ROBO2: variants seen among roughly 807,000 people sequenced by gnomAD.
ROBO2 encodes the protein roundabout guidance receptor 2.
In ROBO2, 53 loss-of-function variants were observed where a neutral mutation model predicts 160.8. That is an observed-to-expected ratio of 0.33 (90% CI 0.26 to 0.41). ROBO2 has a LOEUF of 0.41. Among genes scored for constraint, ROBO2 ranks in the 10% least tolerant of loss-of-function variants. ROBO2 has a pLI of 1.00. For synonymous variants in ROBO2, 664 were observed against 611.7 expected (o/e 1.09, Z -1.26); for missense variants, 1,577 against 1,722.4 (o/e 0.92, Z 1.49).
chr3:76,875,622 A>G (rs1238782208), intron 2 of ROBO2, among the ~76,000 whole-genome samples: 1 of 151,958 alleles, frequency 6.6e-6, no homozygotes, highest in East Asian at 1.9e-4. Flanking sequence ...TCTGAACTCT[A>G]TCATACTTCC....
intron 2 of ROBO2, among the ~76,000 whole-genome samples, chr3:76,385,978 C>A (rs1357695848): frequency 6.6e-6 from 1 of 152,132 alleles, no homozygotes. Context: ...ACTGAATGAT[C>A]TGATACTAAT....
chr3:77,409,163 A>G (rs890549036), intron 2 of ROBO2, among the ~76,000 whole-genome samples: 1 of 150,488 alleles, frequency 6.6e-6, no homozygotes, highest in Non-Finnish European at 1.5e-5. Flanking sequence ...TGCAGAGTAA[A>G]CCAGTAAAGA....
chr3:76,733,500 T>C (rs1416461490), intron 2 of ROBO2, among the ~76,000 whole-genome samples: 4 of 152,250 alleles, frequency 2.6e-5, no homozygotes, highest in African/African-American at 4.8e-5. Flanking sequence ...CTACATCTTA[T>C]ATGGCACTAA....
At chr3:76,371,680 A>G (rs1209118031) in intron 2 of ROBO2, among the ~76,000 whole-genome samples, 4 of 151,936 alleles carry the variant, frequency 2.6e-5, no homozygotes, top group Non-Finnish European at 5.9e-5. Flanking sequence ...TAGATTTTGT[A>G]TAACATCAAC....
chr3:77,056,587 T>G (rs967124384), intron 1 of ROBO2, among the ~76,000 whole-genome samples: 4 of 152,108 alleles, frequency 2.6e-5, no homozygotes, highest in Non-Finnish European at 4.4e-5. Context: ...TATAGAGAAC[T>G]GAGCATTTAG....
chr3:76,024,157 AAT>A (rs1338764203), intron 2 of ROBO2, among the ~76,000 whole-genome samples: 1 of 151,486 alleles, frequency 6.6e-6, no homozygotes. Flanking sequence ...CTTAATCTGT[AAT>A]ATATATTTAG....
chr3:77,146,100 CA>C (rs1314796494), intron 2 of ROBO2, among the ~76,000 whole-genome samples: 10 of 152,296 alleles, frequency 6.6e-5, no homozygotes, highest in Admixed American at 3.3e-4. Flanking sequence ...CCAGAGAAAT[CA>C]AAAAGCCACC....
intron 2 of ROBO2, among the ~76,000 whole-genome samples, chr3:76,004,213 A>G (rs943014440): frequency 1.3e-5 from 2 of 152,232 alleles, no homozygotes; most frequent in South Asian, 4.1e-4. Flanking sequence ...AAAGAATACA[A>G]TATAGACATA....
chr3:77,066,394 C>T (rs1166678754), intron 1 of ROBO2, among the ~76,000 whole-genome samples: 5 of 152,212 alleles, frequency 3.3e-5, no homozygotes, highest in East Asian at 3.9e-4. Context: ...ACAACATTAA[C>T]TGCAGTTGGA....
chr3:77,602,312 A>G, exon 20 of ROBO2: 1 of 1,614,154 alleles, frequency 6.2e-7, no homozygotes, highest in Non-Finnish European at 8.5e-7. Flanking sequence ...ACCAGTTACA[A>G]CAGTTCCAGC....
intron 2 of ROBO2, among the ~76,000 whole-genome samples, chr3:76,848,677 C>T (rs1577024286): frequency 2.6e-5 from 4 of 152,284 alleles, no homozygotes; most frequent in East Asian, 3.9e-4. Context: ...ATGTCACCTC[C>T]TTGCTGTGTC....
At chr3:76,780,527 GT>G (rs1171931050) in intron 2 of ROBO2, among the ~76,000 whole-genome samples, 1 of 150,620 alleles carries the variant, frequency 6.6e-6, no homozygotes, top group Admixed American at 6.6e-5. Flanking sequence ...TGTCGAGAAG[GT>G]TTTTCCCTGT....
At chr3:77,296,958 T>C (rs1017029908) in intron 2 of ROBO2, among the ~76,000 whole-genome samples, 1 of 152,204 alleles carries the variant, frequency 6.6e-6, no homozygotes, top group Non-Finnish European at 1.5e-5. Context: ...TTTTCTCGCA[T>C]ACTTTGACTT....
intron 1 of ROBO2, among the ~76,000 whole-genome samples, chr3:75,924,926 G>A (rs1340128691): frequency 6.6e-6 from 1 of 151,572 alleles, no homozygotes; most frequent in Non-Finnish European, 1.5e-5. Context: ...CTGACCTCGT[G>A]ATCCGCCCGC....
intron 5 of ROBO2, among the ~76,000 whole-genome samples, chr3:77,511,791 A>C (rs2089431190): frequency 6.6e-6 from 1 of 152,006 alleles, no homozygotes; most frequent in African/African-American, 2.4e-5. Flanking sequence ...AGGCTTTCAG[A>C]ACAGAACAGC....
intron 8 of ROBO2, among the ~76,000 whole-genome samples, chr3:77,553,163 T>G (rs1044853841): frequency 6.6e-6 from 1 of 151,956 alleles, no homozygotes; most frequent in South Asian, 2.1e-4. Flanking sequence ...TCTCACAGTA[T>G]TTCAAACAAT....
At chr3:77,394,825 A>T (rs1233611743) in intron 2 of ROBO2, among the ~76,000 whole-genome samples, 1 of 152,146 alleles carries the variant, frequency 6.6e-6, no homozygotes. Flanking sequence ...TATGATATTC[A>T]TATCAGCAAT....
intron 2 of ROBO2, among the ~76,000 whole-genome samples, chr3:76,272,857 A>AATATATAAAATATATATTATATATTT (rs1707590086): frequency 1.1e-5 from 1 of 87,292 alleles, no homozygotes; most frequent in African/African-American, 4.9e-5. Context: ...TTATATATAA[A>AATATATAAAATATATATTATATATTT]ATATATAAAA....
chr3:76,856,015 G>T (rs374294910), intron 2 of ROBO2, among the ~76,000 whole-genome samples: 42 of 152,204 alleles, frequency 2.8e-4, no homozygotes, highest in Non-Finnish European at 5.4e-4. Context: ...TATGGTAAGT[G>T]CTGGTATCCC....
Sources: allele counts gnomAD v4.1 joint callset (sites outside exome capture counted in the v4.1 genomes callset), GRCh38; gene constraint gnomAD v4.1.1; transcripts MANE v1.5; gene names NCBI Gene and HGNC (gene_info 2026-07-23, HGNC 2026-07-21).